Variants in KHDRBS2 observed in about 807,000 individuals in gnomAD.
KHDRBS2 encodes KH domain-containing, RNA-binding, signal transduction-associated protein 2.
Under a neutral mutation model 44.3 loss-of-function variants are expected in KHDRBS2, and 26 were observed. That is an observed-to-expected ratio of 0.59 (90% CI 0.43 to 0.81). KHDRBS2 has a LOEUF of 0.81. KHDRBS2 is among the 40% of genes least tolerant of loss of function. The pLI is 0.00. For missense variants in KHDRBS2, 476 were observed against 433.1 expected (o/e 1.10, Z -0.88); for synonymous variants, 194 against 151.1 (o/e 1.28, Z -2.08).
chr6:61,959,640 G>A (rs990488721), intron 4 of KHDRBS2, among the ~76,000 whole-genome samples: 2 of 152,054 alleles, frequency 1.3e-5, no homozygotes, highest in African/African-American at 4.8e-5. Flanking sequence ...ACAAGACTAA[G>A]AATAGAATAT....
At chr6:61,648,604 AAT>A in the KHDRBS2 span, among the ~76,000 whole-genome samples, 1 of 152,176 alleles carries the variant, frequency 6.6e-6, no homozygotes, top group East Asian at 1.9e-4. Flanking sequence ...GAAGACAGAC[AAT>A]CAGAGACTTT....
Position 61,818,987 on chromosome 6 carries a change from A to T in KHDRBS2, c.810+75648T>A, listed in dbSNP as rs114963441. Among the ~76,000 whole-genome samples, 317 of 152,162 alleles carry T rather than the reference A, an allele frequency of 2.1e-3. 3 individuals carry two copies. Among genetic ancestry groups the T allele is most frequent in the African/African-American group, 6.9e-3 (285 of 41,564 alleles). ...GAGCCCAAAAGGTTCGGGAAAATCT[A>T]TAATACCCTCAGTAGTTAGTTTAGT... On this transcript the variant is annotated intron_variant, in intron 6 of 8. Coordinates refer to ENST00000281156, the MANE Select transcript of KHDRBS2 (RefSeq NM_152688.4).
intron 4 of KHDRBS2, among the ~76,000 whole-genome samples, chr6:61,902,270 C>T (rs891316064): frequency 1.3e-4 from 20 of 152,076 alleles, no homozygotes; most frequent in Non-Finnish European, 2.2e-4. Flanking sequence ...TATTTAAACA[C>T]AACAAATTTT....
intron 5 of KHDRBS2, 58 bp downstream of exon 5, chr6:61,901,185 AG>A: frequency 6.4e-7 from 1 of 1,551,026 alleles, no homozygotes; most frequent in Admixed American, 1.8e-5. Context: ...CATGACATAA[AG>A]CAGGACAAAA....
chr6:62,112,872 T>A (rs997080877), intron 2 of KHDRBS2, among the ~76,000 whole-genome samples: 32 of 152,262 alleles, frequency 2.1e-4, no homozygotes, highest in African/African-American at 7.2e-4. Context: ...CCTGGAATTA[T>A]CATGTAGGTG....
the KHDRBS2 span, among the ~76,000 whole-genome samples, chr6:61,595,812 G>T: frequency 6.6e-6 from 1 of 151,510 alleles, no homozygotes; most frequent in African/African-American, 2.4e-5. Context: ...TAATGTTTTA[G>T]TATTTAACTT....
chr6:61,690,133 A>G (rs1011990858), intron 8 of KHDRBS2, among the ~76,000 whole-genome samples: 1 of 151,948 alleles, frequency 6.6e-6, no homozygotes, highest in African/African-American at 2.4e-5. Context: ...TAATACACAT[A>G]AAAATCTCCC....
chr6:62,051,364 G>C (rs77977274), intron 2 of KHDRBS2, among the ~76,000 whole-genome samples: 1,862 of 151,926 alleles, frequency 0.012, 13 homozygotes, highest in Non-Finnish European at 0.018. Context: ...CATCCGTTTT[G>C]GGTTATTTTT....
the KHDRBS2 span, among the ~76,000 whole-genome samples, chr6:61,607,519 GCAAAAA>G: frequency 4.3e-5 from 1 of 23,328 alleles, no homozygotes; most frequent in African/African-American, 1.5e-4. Context: ...TGAGTTCCAA[GCAAAAA>G]AAAAAAAAAA....
chr6:61,747,095 A>T (rs1375888354), intron 6 of KHDRBS2, among the ~76,000 whole-genome samples: 1 of 152,112 alleles, frequency 6.6e-6, no homozygotes, highest in Admixed American at 6.5e-5. Context: ...CATTTTTAAG[A>T]AGAAGACATT....
the KHDRBS2 span, among the ~76,000 whole-genome samples, chr6:61,553,191 A>G: frequency 1.3e-5 from 2 of 151,988 alleles, no homozygotes; most frequent in African/African-American, 4.8e-5. Flanking sequence ...TGAACTTATG[A>G]TTTGTTCAGG....
chr6:62,250,236 G>T (rs1362157861), intron 1 of KHDRBS2, among the ~76,000 whole-genome samples: 1 of 151,998 alleles, frequency 6.6e-6, no homozygotes, highest in Non-Finnish European at 1.5e-5. Context: ...ATAAATTATT[G>T]TTTAGACATG....
intron 1 of KHDRBS2, among the ~76,000 whole-genome samples, chr6:62,243,853 G>C (rs1835095610): frequency 6.6e-6 from 1 of 152,256 alleles, no homozygotes. Flanking sequence ...GCCTGACATA[G>C]TAGATATTCA....
At chr6:61,940,997 C>T (rs746004904) in intron 4 of KHDRBS2, among the ~76,000 whole-genome samples, 3 of 152,204 alleles carry the variant, frequency 2.0e-5, no homozygotes, top group African/African-American at 7.2e-5. Flanking sequence ...TGTTGCCACC[C>T]TCTCCCAAAC....
intron 1 of KHDRBS2, among the ~76,000 whole-genome samples, chr6:62,179,596 A>T (rs913782324): frequency 2.0e-5 from 3 of 151,786 alleles, no homozygotes; most frequent in Non-Finnish European, 4.4e-5. Flanking sequence ...GGTAATCGTA[A>T]TGTGGAACAC....
At chr6:61,631,304 CCAAAAAAAAAAA>C in the KHDRBS2 span, among the ~76,000 whole-genome samples, 1 of 18,610 alleles carries the variant, frequency 5.4e-5, no homozygotes, top group Non-Finnish European at 1.0e-4. Flanking sequence ...GACGAATAAG[CCAAAAAAAAAAA>C]AAAAAAAAAA....
intron 4 of KHDRBS2, among the ~76,000 whole-genome samples, chr6:61,910,090 CT>C (rs1805781207): frequency 6.6e-6 from 1 of 152,182 alleles, no homozygotes; most frequent in South Asian, 2.1e-4. Context: ...GATTAGGGCG[CT>C]TTTACCGGAA....
chr6:61,636,696 G>A, the KHDRBS2 span, among the ~76,000 whole-genome samples: 2 of 152,066 alleles, frequency 1.3e-5, no homozygotes, highest in Non-Finnish European at 2.9e-5. Context: ...CCACTAAGAA[G>A]TATCTGATTC....
the KHDRBS2 span, among the ~76,000 whole-genome samples, chr6:61,568,808 G>A: frequency 6.6e-6 from 1 of 152,200 alleles, no homozygotes; most frequent in Non-Finnish European, 1.5e-5. Flanking sequence ...ATCTCTCACA[G>A]GGGCCCTCAG....
Sources: allele counts gnomAD v4.1 joint callset (sites outside exome capture counted in the v4.1 genomes callset), GRCh38; gene constraint gnomAD v4.1.1; transcripts MANE v1.5; gene names NCBI Gene and HGNC (gene_info 2026-07-23, HGNC 2026-07-21).